Variants in NEO1 observed in about 807,000 individuals in gnomAD.
NEO1 encodes neogenin 1.
In NEO1, 63 loss-of-function variants were observed where a neutral mutation model predicts 159.7. The ratio of observed to expected loss-of-function variants is 0.39; its 90% confidence interval spans 0.32 to 0.49. The LOEUF (loss-of-function observed/expected upper bound fraction) is 0.49, where lower values mean the gene tolerates loss of function less well. Among genes scored for constraint, NEO1 ranks in the 20% least tolerant of loss-of-function variants. The probability of loss-of-function intolerance (pLI) is 0.85; values close to 1 mark genes in which losing one functional copy is unlikely to be tolerated. For missense variants in NEO1, 1,615 were observed against 1,831.0 expected, an observed-to-expected ratio of 0.88 and a Z score of 2.15; for synonymous variants, 633 against 662.0, an observed-to-expected ratio of 0.96 and a Z score of 0.67.
chr15:73,171,514 T>C (rs533572704), intron 5 of NEO1, among the ~76,000 whole-genome samples: 1 of 152,042 alleles, frequency 6.6e-6, no homozygotes, highest in South Asian at 2.1e-4. Flanking sequence ...CAGTGAGCCA[T>C]GATCATGCCA....
At chr15:73,278,466 T>TTA (rs1335993098) in intron 22 of NEO1, among the ~76,000 whole-genome samples, 9 of 152,176 alleles carry the variant, frequency 5.9e-5, no homozygotes, top group Non-Finnish European at 1.2e-4. Context: ...TAGAAAAGAG[T>TTA]TAGAGTTTCG....
chr15:73,238,021 G>GTGT (rs2039277510), intron 8 of NEO1, among the ~76,000 whole-genome samples: 1 of 151,964 alleles, frequency 6.6e-6, no homozygotes, highest in Non-Finnish European at 1.5e-5. Context: ...TTAGCCCCTC[G>GTGT]GTGACTGTCA....
At chr15:73,241,951 A>G (rs2039507475) in intron 8 of NEO1, among the ~76,000 whole-genome samples, 1 of 152,216 alleles carries the variant, frequency 6.6e-6, no homozygotes, top group Non-Finnish European at 1.5e-5. Flanking sequence ...TGATATTAGT[A>G]TACAAGATTT....
intron 1 of NEO1, among the ~76,000 whole-genome samples, chr15:73,058,708 G>T (rs2067837847): frequency 6.6e-6 from 1 of 152,088 alleles, no homozygotes; most frequent in Admixed American, 6.5e-5. Flanking sequence ...TGTGAACTTT[G>T]GGTACTTAAG....
At chr15:73,150,709 C>T (rs1039612648) in intron 5 of NEO1, among the ~76,000 whole-genome samples, 8 of 150,054 alleles carry the variant, frequency 5.3e-5, no homozygotes, top group Non-Finnish European at 1.2e-4. Flanking sequence ...CCAGCAAATA[C>T]ACATTACTAT....
chr15:73,253,255 G>A, intron 11 of NEO1, 145 bp from the exon 12 acceptor site: 1 of 459,652 alleles, frequency 2.2e-6, no homozygotes, highest in Non-Finnish European at 3.8e-6. Context: ...TTGTCAACAT[G>A]AGGGCATTGG....
At chr15:73,082,046 G>T (rs112859238) in intron 1 of NEO1, among the ~76,000 whole-genome samples, 13,810 of 151,838 alleles carry the variant, frequency 0.091, 802 homozygotes, top group African/African-American at 0.16. Flanking sequence ...GCTAATTATT[G>T]TATTTTTAGT....
At chr15:73,081,660 C>T (rs1322677284) in intron 1 of NEO1, among the ~76,000 whole-genome samples, 6 of 151,900 alleles carry the variant, frequency 3.9e-5, no homozygotes, top group African/African-American at 7.3e-5. Flanking sequence ...ACTGTAGCCT[C>T]GACCTCCTGG....
chr15:73,074,783 C>G (rs893536366), intron 1 of NEO1, among the ~76,000 whole-genome samples: 1 of 152,118 alleles, frequency 6.6e-6, no homozygotes, highest in African/African-American at 2.4e-5. Flanking sequence ...CCTCCTTCCT[C>G]TCCTTGACAC....
chr15:73,145,805 C>A (rs1183314012), intron 5 of NEO1, among the ~76,000 whole-genome samples: 1 of 152,084 alleles, frequency 6.6e-6, no homozygotes, highest in African/African-American at 2.4e-5. Context: ...CCTCTTGAGG[C>A]CTTCTCCCTG....
intron 11 of NEO1, among the ~76,000 whole-genome samples, chr15:73,252,099 T>G (rs946948381): frequency 6.6e-6 from 1 of 152,212 alleles, no homozygotes; most frequent in African/African-American, 2.4e-5. Context: ...TCTCTGAGTT[T>G]AGGCTTGAGG....
chr15:73,242,501 C>T (rs955620467), intron 8 of NEO1, among the ~76,000 whole-genome samples: 1 of 152,196 alleles, frequency 6.6e-6, no homozygotes, highest in Admixed American at 6.5e-5. Flanking sequence ...AACTTTGTCT[C>T]TACTAAAAAT....
chr15:73,227,481 C>G (rs1003259795), intron 7 of NEO1, among the ~76,000 whole-genome samples: 7 of 152,064 alleles, frequency 4.6e-5, no homozygotes, highest in Non-Finnish European at 8.8e-5. Flanking sequence ...GGGCAACAGA[C>G]TCCATCTCAA....
At chr15:73,118,416 C>T (rs1373040134) in intron 2 of NEO1, among the ~76,000 whole-genome samples, 2 of 151,984 alleles carry the variant, frequency 1.3e-5, no homozygotes, top group Non-Finnish European at 2.9e-5. Flanking sequence ...TATTTCTTAA[C>T]ATTTCACCCT....
chr15:73,274,713 C>G lies in NEO1; in HGVS notation c.3182C>G (p.Pro1061Arg). 6.2e-7 allele frequency: 1 copy of G among 1,613,716 alleles called. No individual in the cohort carries two copies. The highest frequency in any genetic ancestry group is 8.5e-7 in the Non-Finnish European group (1 of 1,179,884). The change falls in exon 21 of 29, where the codon CCT becomes CGT. Residue 1061 changes from proline (P) to arginine (R), a missense_variant. Pro to Arg is a moderately radical substitution (Grantham distance 103). Coordinates refer to ENST00000261908, the MANE Select transcript of NEO1 (RefSeq NM_002499.4). ...TTAGCGGACTCCTCTGATAAAATGC[C>G]TAATGATCAAGGTAAATGAGTAGAT... ...TPKADSSDKM[P>R]NDQASGSGGK...
chr15:73,229,024 A>G (rs1205375435), intron 7 of NEO1, among the ~76,000 whole-genome samples: 1 of 151,882 alleles, frequency 6.6e-6, no homozygotes, highest in Non-Finnish European at 1.5e-5. Context: ...AAATCCTCCA[A>G]CTTTTTTTGT....
At chr15:73,203,597 A>C (rs1215753723) in intron 7 of NEO1, among the ~76,000 whole-genome samples, 1 of 151,976 alleles carries the variant, frequency 6.6e-6, no homozygotes, top group Non-Finnish European at 1.5e-5. Flanking sequence ...ATATAATCTT[A>C]TCTCCTCTCT....
At chr15:73,111,752 C>T (rs940252998) in intron 1 of NEO1, among the ~76,000 whole-genome samples, 1 of 152,112 alleles carries the variant, frequency 6.6e-6, no homozygotes, top group African/African-American at 2.4e-5. Context: ...TCCCAAGTAG[C>T]TGGGACTACT....
At chr15:73,170,404 CATG>C (rs756842425) in intron 5 of NEO1, among the ~76,000 whole-genome samples, 40 of 152,058 alleles carry the variant, frequency 2.6e-4, no homozygotes, top group Non-Finnish European at 5.3e-4. Context: ...AGTAGGAAAT[CATG>C]ATGAAGTTTA....
Sources: allele counts gnomAD v4.1 joint callset (sites outside exome capture counted in the v4.1 genomes callset), GRCh38; gene constraint gnomAD v4.1.1; transcripts MANE v1.5; gene names NCBI Gene and HGNC (gene_info 2026-07-23, HGNC 2026-07-21).